HHAT: variants seen among roughly 807,000 people sequenced by gnomAD.
The protein encoded by HHAT is protein-cysteine N-palmitoyltransferase HHAT.
HHAT carries 47 observed loss-of-function variants against 70.8 expected under a neutral mutation model. The ratio of observed to expected loss-of-function variants is 0.66; its 90% CI spans 0.53 to 0.85. The LOEUF is 0.85. Among genes scored for constraint, HHAT ranks in the 40% least tolerant of loss-of-function variants. The probability of loss-of-function intolerance (pLI) is 0.00; values close to 1 mark genes in which losing one functional copy is unlikely to be tolerated. For synonymous variants in HHAT, 228 were observed against 247.6 expected, an observed-to-expected ratio of 0.92 and a Z score of 0.74; for missense variants, 609 against 604.8, an observed-to-expected ratio of 1.01 and a Z score of -0.07.
chr1:210,346,663 C>G (rs1249809359), intron 1 of HHAT, among the ~76,000 whole-genome samples: 3 of 152,220 alleles, frequency 2.0e-5, no homozygotes, highest in Admixed American at 6.5e-5. Context: ...ACTCTGGGTG[C>G]AAGACTGCTT....
chr1:210,659,612 CAAA>C (rs747064478), intron 11 of HHAT, among the ~76,000 whole-genome samples: 1 of 151,958 alleles, frequency 6.6e-6, no homozygotes. Flanking sequence ...AGAGACACAA[CAAA>C]AAAAGAGAAT....
chr1:210,342,950 G>A (rs2086163802), intron 1 of HHAT, among the ~76,000 whole-genome samples: 1 of 152,160 alleles, frequency 6.6e-6, no homozygotes, highest in African/African-American at 2.4e-5. Context: ...ACAAAGTAGG[G>A]AAATAATTTT....
intron 9 of HHAT, among the ~76,000 whole-genome samples, chr1:210,576,489 G>A (rs984261294): frequency 8.5e-5 from 12 of 140,632 alleles, no homozygotes; most frequent in Non-Finnish European, 1.5e-4. Flanking sequence ...ACACAGGAAG[G>A]GGAACATCAC....
chr1:210,437,729 T>G (rs1260678280), intron 7 of HHAT, among the ~76,000 whole-genome samples: 1 of 151,894 alleles, frequency 6.6e-6, no homozygotes, highest in African/African-American at 2.4e-5. Context: ...ATATCTCCCC[T>G]GGGCTCATTT....
chr1:210,348,842 G>T, intron 1 of HHAT, 91 bp from the exon 2 acceptor site: 1 of 1,295,634 alleles, frequency 7.7e-7, no homozygotes, highest in South Asian at 1.5e-5. Context: ...ATAGTGATGG[G>T]TCTCCGGGAG....
chr1:210,354,104 C>A (rs1441225886), intron 2 of HHAT, among the ~76,000 whole-genome samples: 1 of 151,726 alleles, frequency 6.6e-6, no homozygotes, highest in Admixed American at 6.6e-5. Context: ...CTGTACTACT[C>A]TCAGCAAGTT....
At chr1:210,431,552 A>G (rs1015552294) in intron 7 of HHAT, among the ~76,000 whole-genome samples, 1 of 151,882 alleles carries the variant, frequency 6.6e-6, no homozygotes, top group Non-Finnish European at 1.5e-5. Flanking sequence ...AGTCTGTTAT[A>G]TTGCCAGAAA....
At chr1:210,397,218 T>A (rs1304929468) in intron 4 of HHAT, among the ~76,000 whole-genome samples, 2 of 152,202 alleles carry the variant, frequency 1.3e-5, no homozygotes, top group Non-Finnish European at 2.9e-5. Flanking sequence ...GAACATTACA[T>A]AAAAGTTGTA....
intron 8 of HHAT, among the ~76,000 whole-genome samples, chr1:210,485,455 A>G (rs2094460113): frequency 6.6e-6 from 1 of 152,198 alleles, no homozygotes; most frequent in Non-Finnish European, 1.5e-5. Flanking sequence ...TGCTTCCAGC[A>G]GAACTGACAC....
chr1:210,485,916 G>T (rs1473636676), intron 8 of HHAT, among the ~76,000 whole-genome samples: 2 of 152,110 alleles, frequency 1.3e-5, no homozygotes, highest in South Asian at 2.1e-4. Context: ...GTGTTGTCTT[G>T]TGTTTCCAAA....
intron 8 of HHAT, among the ~76,000 whole-genome samples, chr1:210,479,730 T>C (rs1387783115): frequency 6.6e-6 from 1 of 152,232 alleles, no homozygotes; most frequent in African/African-American, 2.4e-5. Flanking sequence ...GAAATTACAC[T>C]AATTCCCTGA....
intron 6 of HHAT, among the ~76,000 whole-genome samples, chr1:210,409,441 G>T (rs2092450965): frequency 6.6e-6 from 1 of 152,172 alleles, no homozygotes; most frequent in Admixed American, 6.5e-5. Context: ...TGTTCTGGGA[G>T]AGCTCACTGG....
chr1:210,433,473 G>A (rs1390615482), intron 7 of HHAT, among the ~76,000 whole-genome samples: 3 of 151,570 alleles, frequency 2.0e-5, no homozygotes, highest in African/African-American at 7.3e-5. Context: ...ATAAATAGAG[G>A]TTGTTTCTCG....
intron 5 of HHAT, among the ~76,000 whole-genome samples, chr1:210,401,427 A>G (rs925334202): frequency 6.6e-6 from 1 of 152,096 alleles, no homozygotes; most frequent in East Asian, 1.9e-4. Context: ...GAACATATTT[A>G]TTATCTACTC....
intron 11 of HHAT, among the ~76,000 whole-genome samples, chr1:210,654,141 GA>G (rs1675859139): frequency 1.3e-5 from 2 of 149,534 alleles, no homozygotes; most frequent in Non-Finnish European, 3.0e-5. Context: ...AGTGTGATGG[GA>G]ATAGTGTGAC....
At chr1:210,415,035 T>C (rs962331613) in intron 6 of HHAT, among the ~76,000 whole-genome samples, 36 of 152,062 alleles carry the variant, frequency 2.4e-4, no homozygotes, top group African/African-American at 8.5e-4. Context: ...AAAATCTTTT[T>C]AATTGTCAAA....
At chr1:210,532,651 A>T (rs2095327051) in intron 9 of HHAT, among the ~76,000 whole-genome samples, 1 of 152,172 alleles carries the variant, frequency 6.6e-6, no homozygotes, top group South Asian at 2.1e-4. Flanking sequence ...TAGATACTGG[A>T]TTTTATGTTT....
In HHAT at chr1:210,369,671, T is replaced by A. The variant is rs556666687; in HGVS notation, c.159+6752T>A. The A allele has an allele frequency of 2.0e-5, 3 of 152,214 alleles. No individual in the cohort carries two copies. In the East Asian group the frequency reaches 5.8e-4, roughly 29 times the overall value. The allele number at this position is 152,214 out of a possible 1,614,324, so 9.4% of individuals were successfully genotyped here. ...GGCTCTGAAGTTTGGGGGAAGGTGA[T>A]GATGTGACAGTGAGCTGGTGGTGCA... On this transcript the variant is annotated intron_variant, in intron 3 of 11. Coordinates refer to ENST00000261458, the MANE Select transcript of HHAT (RefSeq NM_018194.6).
At chr1:210,520,889 C>G (rs2095146467) in intron 9 of HHAT, among the ~76,000 whole-genome samples, 1 of 152,144 alleles carries the variant, frequency 6.6e-6, no homozygotes, top group Non-Finnish European at 1.5e-5. Flanking sequence ...TGTGTGAGTT[C>G]ATCAGAGCCA....
Sources: allele counts gnomAD v4.1 joint callset (sites outside exome capture counted in the v4.1 genomes callset), GRCh38; gene constraint gnomAD v4.1.1; transcripts MANE v1.5; gene names NCBI Gene and HGNC (gene_info 2026-07-23, HGNC 2026-07-21).